F2RL1: variants seen among roughly 807,000 people sequenced by gnomAD.
The protein encoded by F2RL1 is F2R like trypsin receptor 1.
In F2RL1, 16 loss-of-function variants were observed where a neutral mutation model predicts 21.7. That is an observed-to-expected ratio of 0.74 (90% CI 0.50 to 1.12). The LOEUF is 1.12. Ranked by LOEUF, F2RL1 falls within the 50% of genes most tolerant of loss-of-function variation. The probability of loss-of-function intolerance (pLI) is 0.00; values close to 1 mark genes in which losing one functional copy is unlikely to be tolerated. For synonymous variants in F2RL1, 181 were observed against 186.7 expected (o/e 0.97, Z 0.25); for missense variants, 432 against 477.8 (o/e 0.90, Z 0.89).
chr5:76,829,175 A>G (rs1236616116), intron 1 of F2RL1, among the ~76,000 whole-genome samples: 2 of 151,646 alleles, frequency 1.3e-5, no homozygotes, highest in Non-Finnish European at 2.9e-5. Flanking sequence ...CAAGGTACAC[A>G]CATTATATGA....
intron 1 of F2RL1, among the ~76,000 whole-genome samples, chr5:76,819,563 G>T (rs1463110148): frequency 6.6e-6 from 1 of 152,200 alleles, no homozygotes; most frequent in African/African-American, 2.4e-5. Flanking sequence ...CCCCAGCGTG[G>T]GTTCGGGGAA....
chr5:76,821,923 G>A (rs1347684459), intron 1 of F2RL1, among the ~76,000 whole-genome samples: 2 of 151,984 alleles, frequency 1.3e-5, no homozygotes, highest in African/African-American at 4.8e-5. Flanking sequence ...GTGATCACTC[G>A]AGGGAAAAAT....
At position 76,834,104 on chromosome 5, in the gene F2RL1, G is replaced by A. The variant is rs998312382; in HGVS notation, c.*303G>A. 6.9e-6 allele frequency: 2 copies of A among 288,932 alleles called. No homozygotes were observed. The highest frequency in any genetic ancestry group is 4.4e-5 in the African/African-American group (2 of 45,476). The allele number at this position is 288,932 out of a possible 1,614,324, so 17.9% of individuals were successfully genotyped here. A position where few individuals can be genotyped will look rare whatever the true frequency, so the allele number is the denominator to read the frequency against. ...AACTTGCAAAAAGTAGACTTGGTGT[G>A]AAGACTCACTTCTCAGCTGAAATTA... On this transcript the variant is annotated 3_prime_UTR_variant, in exon 2 of 2. Coordinates refer to ENST00000296677, the MANE Select transcript of F2RL1 (RefSeq NM_005242.6).
rs915689910 is a variant in F2RL1 at position 76,819,399 on chromosome 5, C to A, written c.82+135C>A. The stretch of plus-strand genomic sequence containing the variant: ...CACCCATCTCTACGAATCCCTTAGC[C>A]TCCCCTTGGTGGCTTTGATGTGAGG... On this transcript the variant is annotated intron_variant, in intron 1 of 1. Coordinates refer to ENST00000296677, the MANE Select transcript of F2RL1 (RefSeq NM_005242.6). 16 of 751,186 alleles carry A rather than the reference C, an allele frequency of 2.1e-5. No homozygotes were observed. The African/African-American group carries it at 2.9e-4, about 14-fold the overall frequency. The allele number at this position is 751,186 out of a possible 1,614,324, so 46.5% of individuals were successfully genotyped here.
chr5:76,832,845 A>G lies in F2RL1; in HGVS notation c.238A>G (p.Ile80Val), dbSNP rs769256567. 2.9e-5 allele frequency: 47 copies of G among 1,613,964 alleles called. No individual in the cohort carries two copies. Among genetic ancestry groups the G allele is most frequent in the Non-Finnish European group, 3.8e-5 (45 of 1,180,024 alleles). The change falls in exon 2 of 2, where the codon ATT becomes GTT. Residue 80 changes from isoleucine to valine, a missense_variant. Ile to Val is a conservative substitution (Grantham distance 29, BLOSUM62 3). Transcript: ENST00000296677. The part of the protein sequence containing the change: ...TGKLTTVFLP[I>V]VYTIVFVVGL... Reference sequence around the variant, plus strand: ...AAAACTGACCACTGTCTTCCTTCCAATTGTCTACACAATTGTGTTTGTGGT... The same window carrying G: ...AAAACTGACCACTGTCTTCCTTCCAGTTGTCTACACAATTGTGTTTGTGGT...
At chr5:76,826,535 A>G (rs1750241694) in intron 1 of F2RL1, among the ~76,000 whole-genome samples, 1 of 149,340 alleles carries the variant, frequency 6.7e-6, no homozygotes, top group Non-Finnish European at 1.5e-5. Flanking sequence ...TTTTTTTGAG[A>G]CAGAGTCTTG....
At chr5:76,819,896 G>T (rs2150603803) in intron 1 of F2RL1, among the ~76,000 whole-genome samples, 1 of 152,326 alleles carries the variant, frequency 6.6e-6, no homozygotes, top group East Asian at 1.9e-4. Flanking sequence ...ACAGTGGAAG[G>T]CCCGGGGTAT....
intron 1 of F2RL1, among the ~76,000 whole-genome samples, chr5:76,822,502 G>A (rs926789685): frequency 3.9e-5 from 6 of 152,172 alleles, no homozygotes; most frequent in Admixed American, 2.6e-4. Context: ...ATAGGCATGA[G>A]CCACCGTGCC....
chr5:76,820,014 G>T (rs1420255088), intron 1 of F2RL1, among the ~76,000 whole-genome samples: 1 of 152,172 alleles, frequency 6.6e-6, no homozygotes, highest in East Asian at 1.9e-4. Flanking sequence ...CCTTATATTT[G>T]ACCAGTTGAC....
chr5:76,827,283 C>T (rs1417065754), intron 1 of F2RL1, among the ~76,000 whole-genome samples: 3 of 144,168 alleles, frequency 2.1e-5, no homozygotes, highest in African/African-American at 7.7e-5. Flanking sequence ...AGATCGAGAC[C>T]ATCCTGGCTA....
chr5:76,833,666 T>A lies in F2RL1; in HGVS notation c.1059T>A (p.Asp353Glu). 6.2e-7 allele frequency: 1 copy of A among 1,614,020 alleles called. No homozygotes were observed. The highest frequency in any genetic ancestry group is 8.5e-7 in the Non-Finnish European group (1 of 1,180,022). The change falls in exon 2 of 2, where the codon GAT (aspartate) becomes GAA (glutamate). Residue 353 changes from aspartate to glutamate, a missense_variant. By Grantham distance (45) the Asp-to-Glu change is conservative (BLOSUM62 2). Transcript: ENST00000296677. ...VYYFVSHDFR[D>E]HAKNALLCRS... is the part of the protein sequence containing the mutation. ...ACTTTGTTTCACATGATTTCAGGGA[T>A]CATGCAAAGAACGCTCTCCTTTGCC...
In F2RL1 at chr5:76,835,050, C is replaced by A. The variant is rs1260264119; in HGVS notation, c.*1249C>A. 6.6e-6 allele frequency: 1 copy of A among 152,242 alleles called. No homozygotes were observed. Among genetic ancestry groups the A allele is most frequent in the Non-Finnish European group, 1.5e-5 (1 of 68,028 alleles). The allele number at this position is 152,242 out of a possible 1,614,324, so 9.4% of individuals were successfully genotyped here. ...GTAGTCTGAGTAATAGATTGTTTTG[C>A]CACTTAGAATAGCATTTGCCACTTA... On this transcript the variant is annotated 3_prime_UTR_variant, in exon 2 of 2. Transcript: ENST00000296677.
chr5:76,822,852 A>G (rs2243016), intron 1 of F2RL1, among the ~76,000 whole-genome samples: 1,829 of 152,272 alleles, frequency 0.012, 49 homozygotes, highest in African/African-American at 0.042. Flanking sequence ...AAGGAAGAGA[A>G]CTAATGCAAG....
Position 76,833,268 on chromosome 5 carries a change from C to T in F2RL1, c.661C>T (p.Leu221=). 6.2e-7 allele frequency: 1 copy of T among 1,613,504 alleles called. No individual in the cohort carries two copies. The highest frequency in any genetic ancestry group is 1.1e-5 in the South Asian group (1 of 91,018). The change falls in exon 2 of 2, where the codon CTG becomes TTG. Residue 221 remains leucine (L), a synonymous_variant. Transcript: ENST00000296677. ...VVKQTIFIPA[L]NITTCHDVLP... ...GAAGCAGACCATCTTCATTCCTGCC[C>T]TGAACATCACGACCTGTCATGATGT...
At chr5:76,828,368 A>T (rs1218905266) in intron 1 of F2RL1, among the ~76,000 whole-genome samples, 2 of 152,206 alleles carry the variant, frequency 1.3e-5, no homozygotes, top group Non-Finnish European at 2.9e-5. Context: ...GTATTTTAGA[A>T]TGTATTAATA....
At chr5:76,828,728 G>A (rs2243045) in intron 1 of F2RL1, among the ~76,000 whole-genome samples, 1,828 of 151,534 alleles carry the variant, frequency 0.012, 48 homozygotes, top group African/African-American at 0.042. Flanking sequence ...TCTTGGCCTC[G>A]AGCAATCCTT....
chr5:76,823,370 G>GGTTT (rs1437477642), intron 1 of F2RL1, among the ~76,000 whole-genome samples: 2 of 125,996 alleles, frequency 1.6e-5, no homozygotes, highest in Non-Finnish European at 1.6e-5. Context: ...TGGTTGGTTG[G>GGTTT]TTTTTTTTTT....
intron 1 of F2RL1, among the ~76,000 whole-genome samples, chr5:76,827,787 A>G (rs1415142673): frequency 6.6e-6 from 1 of 151,478 alleles, no homozygotes; most frequent in African/African-American, 2.4e-5. Context: ...TTTAATAGAG[A>G]TGGGGTTTCA....
chr5:76,827,377 T>G (rs1750262668), intron 1 of F2RL1, among the ~76,000 whole-genome samples: 1 of 146,078 alleles, frequency 6.8e-6, no homozygotes, highest in Non-Finnish European at 1.5e-5. Context: ...CAGGCGCCTG[T>G]AGTCCCAGCT....
Sources: gnomAD v4.1 joint callset for allele counts (sites outside exome capture counted in the v4.1 genomes callset) on GRCh38, gnomAD v4.1.1 for gene constraint, MANE v1.5 for transcripts, NCBI Gene and HGNC (gene_info 2026-07-23, HGNC 2026-07-21) for gene names.